Variants in DLGAP4 observed in about 807,000 individuals in gnomAD.
The protein encoded by DLGAP4 is disks large-associated protein 4.
In DLGAP4, 18 loss-of-function variants were observed where a neutral mutation model predicts 86.9. The observed-to-expected ratio is 0.21, with a 90% CI of 0.14 to 0.31. DLGAP4 has a LOEUF of 0.31. Among genes scored for constraint, DLGAP4 ranks in the 10% least tolerant of loss-of-function variants. The pLI is 1.00. For missense variants in DLGAP4, 1,085 were observed against 1,362.6 expected (o/e 0.80, Z 3.21); for synonymous variants, 548 against 574.3 (o/e 0.95, Z 0.65).
In DLGAP4 at chr20:36,462,394, T is replaced by A. The variant is rs2034129861; in HGVS notation, c.1648+15457T>A. 3 of 1,385,046 alleles carry A rather than the reference T, an allele frequency of 2.2e-6. No individual in the cohort carries two copies. The East Asian group carries it at 8.8e-5, about 41-fold the overall frequency. 85.8% of individuals were successfully genotyped at this position (1,385,046 alleles called of 1,614,324 possible). On this transcript the variant is annotated intron_variant, in intron 7 of 12. Transcript: ENST00000339266. ...ATCTGTCTCGGTGGTCTCGCCACTC[T>A]GTGCCTCTTGCGCTGAAGGCCCCCC... is the stretch of plus-strand genomic sequence containing the variant.
At chr20:36,416,589 T>G (rs2032661140) in intron 2 of DLGAP4, among the ~76,000 whole-genome samples, 1 of 152,180 alleles carries the variant, frequency 6.6e-6, no homozygotes, top group Admixed American at 6.5e-5. Flanking sequence ...GACACTTAGG[T>G]TAATCTGTGA....
chr20:36,399,949 A>G (rs2032108469), intron 2 of DLGAP4, among the ~76,000 whole-genome samples: 1 of 152,218 alleles, frequency 6.6e-6, no homozygotes, highest in Admixed American at 6.5e-5. Context: ...TTTAGAGGGC[A>G]GGAAACTGGT....
chr20:36,504,949 C>G (rs2036295660), intron 10 of DLGAP4, among the ~76,000 whole-genome samples: 2 of 150,092 alleles, frequency 1.3e-5, no homozygotes, highest in Non-Finnish European at 3.0e-5. Context: ...TGGAGACTGT[C>G]TTTTCACTTT....
Position 36,350,804 on chromosome 20 carries a change from T to C in DLGAP4, c.-303-16241T>C, listed in dbSNP as rs2030125183. On this transcript the variant is annotated intron_variant, in intron 1 of 12. Coordinates refer to ENST00000339266, the MANE Select transcript of DLGAP4 (RefSeq NM_001365621.2). The surrounding 1 kb of genome is among the most constrained non-coding windows in gnomAD (Gnocchi z 4.4). Reference sequence around the variant, plus strand: ...GATGCTGGAGGGGACTGTCCCTCACTGCCTGACTCCTTCCCCAGTGGGCTG... The same window carrying C: ...GATGCTGGAGGGGACTGTCCCTCACCGCCTGACTCCTTCCCCAGTGGGCTG... Among the ~76,000 whole-genome samples the C allele has an allele frequency of 1.3e-5, 2 of 152,220 alleles. No homozygotes were observed. Among genetic ancestry groups the C allele is most frequent in the Admixed American group, 1.3e-4 (2 of 15,288 alleles).
chr20:36,491,746 TAA>T (rs139485603), intron 7 of DLGAP4, among the ~76,000 whole-genome samples: 1 of 152,346 alleles, frequency 6.6e-6, no homozygotes, highest in African/African-American at 2.4e-5. Context: ...CCTTGGATAC[TAA>T]AGTGTTGGGA....
intron 2 of DLGAP4, among the ~76,000 whole-genome samples, chr20:36,413,621 A>G (rs1414690118): frequency 2.0e-5 from 3 of 149,874 alleles, no homozygotes; most frequent in African/African-American, 7.4e-5. Context: ...GGGTTTCACC[A>G]TGTTAACCAG....
intron 2 of DLGAP4, among the ~76,000 whole-genome samples, chr20:36,396,405 CCACATA>C (rs2031970644): frequency 2.0e-5 from 1 of 50,292 alleles, no homozygotes; most frequent in Non-Finnish European, 4.6e-5. Context: ...CATACACACA[CCACATA>C]CACACACACA....
At chr20:36,416,526 C>T (rs1214821893) in intron 2 of DLGAP4, among the ~76,000 whole-genome samples, 3 of 152,248 alleles carry the variant, frequency 2.0e-5, no homozygotes, top group Non-Finnish European at 4.4e-5. Flanking sequence ...CTCCATGCAC[C>T]ACCATGTATA....
intron 12 of DLGAP4, 109 bp from the exon 13 acceptor site, chr20:36,526,704 G>C (rs1053230811): frequency 1.0e-6 from 1 of 1,002,750 alleles, no homozygotes; most frequent in South Asian, 1.7e-5. Flanking sequence ...TGCCCGATGC[G>C]GGGAGGCTGG....
At chr20:36,320,765 A>G (rs1046134173) in intron 1 of DLGAP4, among the ~76,000 whole-genome samples, 8 of 152,010 alleles carry the variant, frequency 5.3e-5, no homozygotes, top group Non-Finnish European at 1.0e-4. Flanking sequence ...GATGAGACAG[A>G]GGCCTGGCCC....
At chr20:36,340,618 C>G (rs555646664) in intron 1 of DLGAP4, among the ~76,000 whole-genome samples, 1 of 152,136 alleles carries the variant, frequency 6.6e-6, no homozygotes, top group African/African-American at 2.4e-5. Flanking sequence ...ATCAGATCAG[C>G]GGCATTAGTT....
Position 36,436,180 on chromosome 20 carries a change from C to G in DLGAP4, c.1071C>G (p.Gly357=). 6.2e-7 allele frequency: 1 copy of G among 1,600,638 alleles called. No homozygotes were observed. The highest frequency in any genetic ancestry group is 8.5e-7 in the Non-Finnish European group (1 of 1,178,600). ...GCGAGACGGATGCCGCGGCCGAGGG[C>G]CCTATCCCGTGCCGGCGCATGCGCA... ...SPRETDAAAE[G]PIPCRRMRSG... The change falls in exon 4 of 13, where the codon GGC becomes GGG. Residue 357 remains glycine (G), a synonymous_variant. Transcript: ENST00000339266.
intron 2 of DLGAP4, among the ~76,000 whole-genome samples, chr20:36,423,455 CAAAAAAAAAA>C (rs11434258): frequency 1.2e-3 from 19 of 16,336 alleles, no homozygotes; most frequent in African/African-American, 4.8e-3. Flanking sequence ...GACTCCGTCT[CAAAAAAAAAA>C]AAAAAAAAAA....
At chr20:36,399,612 A>C (rs2032097881) in intron 2 of DLGAP4, among the ~76,000 whole-genome samples, 1 of 152,220 alleles carries the variant, frequency 6.6e-6, no homozygotes, top group African/African-American at 2.4e-5. Flanking sequence ...AGTGAAGCTA[A>C]AGAACCTCGC....
Position 36,336,717 on chromosome 20 carries a change from AG to A in DLGAP4, c.-304+30206del, listed in dbSNP as rs550084692. On this transcript the variant is annotated intron_variant, in intron 1 of 12. Transcript: ENST00000339266. ...TGGGAAACTGGAGGGCCCAGAGGGC[AG>A]CCCCCATCAGCTGCTCCCCACTCCT... Among the ~76,000 whole-genome samples the A allele has an allele frequency of 7.2e-5, 11 of 152,294 alleles. No individual in the cohort carries two copies. In the South Asian group the frequency reaches 2.3e-3, roughly 32 times the overall value.
At chr20:36,448,113 T>TG (rs1160283349) in intron 7 of DLGAP4, among the ~76,000 whole-genome samples, 2 of 150,998 alleles carry the variant, frequency 1.3e-5, no homozygotes, top group African/African-American at 4.9e-5. Flanking sequence ...CCCAACACTT[T>TG]GGGGGGCCGA....
intron 9 of DLGAP4, among the ~76,000 whole-genome samples, chr20:36,499,987 G>GT (rs1483887294): frequency 2.0e-5 from 3 of 151,554 alleles, no homozygotes; most frequent in African/African-American, 7.3e-5. Flanking sequence ...CCTTGTCCTC[G>GT]TGTGTGTGTG....
In DLGAP4 at chr20:36,484,204, C is replaced by T. The variant is rs1220636717; in HGVS notation, c.1649-12501C>T. The stretch of plus-strand genomic sequence containing the variant: ...GTAGGCCTGGTGAAGAGTTGGTGAG[C>T]CGATATAGTTAAAGTGCTTCATGCT... On this transcript the variant is annotated intron_variant, in intron 7 of 12. Coordinates refer to ENST00000339266, the MANE Select transcript of DLGAP4 (RefSeq NM_001365621.2). Among the ~76,000 whole-genome samples, 3 of 152,062 alleles carry T rather than the reference C, an allele frequency of 2.0e-5. No homozygotes were observed. In the East Asian group the frequency reaches 5.8e-4, roughly 29 times the overall value.
chr20:36,418,588 G>A lies in DLGAP4; in HGVS notation c.-72-13058G>A, dbSNP rs528469240. 7.9e-5 allele frequency among the ~76,000 whole-genome samples: 12 copies of A among 152,288 alleles called. No individual in the cohort carries two copies. In the East Asian group the frequency reaches 1.5e-3, roughly 20 times the overall value. ...CCCACAGAGTCTCTGCTGAAGCCAG[G>A]CAGGTTTCAATGGGGGTGGGGTCAC... On this transcript the variant is annotated intron_variant, in intron 2 of 12. Transcript: ENST00000339266.
Sources: allele counts gnomAD v4.1 joint callset (sites outside exome capture counted in the v4.1 genomes callset), GRCh38; gene constraint gnomAD v4.1.1; non-coding constraint Gnocchi (gnomAD v3.1); transcripts MANE v1.5; gene names NCBI Gene and HGNC (gene_info 2026-07-23, HGNC 2026-07-21).